KLB: variants seen among roughly 807,000 people sequenced by gnomAD.
KLB encodes the protein beta-klotho.
Under a neutral mutation model 88.4 loss-of-function variants are expected in KLB, and 44 were observed. The ratio of observed to expected loss-of-function variants is 0.50; its 90% CI spans 0.39 to 0.64. The LOEUF (loss-of-function observed/expected upper bound fraction) is 0.64, where lower values mean the gene tolerates loss of function less well. Among genes scored for constraint, KLB ranks in the 30% least tolerant of loss-of-function variants. KLB has a pLI of 0.00. For synonymous variants in KLB, 548 were observed against 513.4 expected (o/e 1.07, Z -0.91); for missense variants, 1,137 against 1,304.8 (o/e 0.87, Z 1.98).
At chr4:39,412,028 A>T (rs1395870180) in intron 1 of KLB, 1 of 151,780 alleles carries the variant, frequency 6.6e-6, no homozygotes, top group African/African-American at 2.4e-5. Context: ...ATACCTACAT[A>T]CAGAAGGATA....
At position 39,407,246 on chromosome 4, in the gene KLB, T is replaced by G. The variant is rs1291708457; in HGVS notation, c.297T>G (p.Ser99Arg). ...IGTGALQVEG[S>R]WKKDGKGPSI... is the part of the protein sequence containing the mutation. ...CTGGAGCATTGCAAGTGGAAGGGAG[T>G]TGGAAGAAGGATGGAAAAGGACCTT... Residue 99 changes from serine (S) to arginine (R), a missense_variant, in exon 1 of 5, where the codon AGT becomes AGG. Transcript: ENST00000257408. 1 of 1,613,914 alleles carries G rather than the reference T, an allele frequency of 6.2e-7. No individual in the cohort carries two copies. Among genetic ancestry groups the G allele is most frequent in the South Asian group, 1.1e-5 (1 of 91,058 alleles).
At chr4:39,424,969 C>G (rs1416158151) in intron 1 of KLB, among the ~76,000 whole-genome samples, 3 of 152,084 alleles carry the variant, frequency 2.0e-5, no homozygotes, top group African/African-American at 7.2e-5. Context: ...ATTCCCAAAT[C>G]CTGAGGAAAG....
chr4:39,415,718 A>T (rs1179956729), intron 1 of KLB, among the ~76,000 whole-genome samples: 1 of 152,156 alleles, frequency 6.6e-6, no homozygotes, highest in Admixed American at 6.5e-5. Flanking sequence ...TTTACATAAA[A>T]TAAAGCATAT....
chr4:39,419,730 C>G (rs929620608), intron 1 of KLB, among the ~76,000 whole-genome samples: 1 of 149,356 alleles, frequency 6.7e-6, no homozygotes, highest in Admixed American at 6.7e-5. Flanking sequence ...GAGCCAAGAT[C>G]GCACCACTGC....
At position 39,437,857 on chromosome 4, in the gene KLB, G is replaced by A. The variant is rs761732553; in HGVS notation, c.1467G>A (p.Glu489=). The A allele has an allele frequency of 3.7e-6, 6 of 1,614,184 alleles. No individual in the cohort carries two copies. Among genetic ancestry groups the A allele is most frequent in the Non-Finnish European group, 4.2e-6 (5 of 1,180,034 alleles). The change falls in exon 3 of 5, where the codon GAG becomes GAA. Residue 489 remains glutamate (E), a synonymous_variant. Coordinates refer to ENST00000257408, the MANE Select transcript of KLB (RefSeq NM_175737.4). ...FYVDFNSKQK[E]RKPKSSAHYY... ...TGGATTTTAACAGTAAACAGAAAGAGCGGAAACCTAAGTCTTCAGCACACT... is the reference window on the plus strand; with the variant it reads ...TGGATTTTAACAGTAAACAGAAAGAACGGAAACCTAAGTCTTCAGCACACT...
chr4:39,436,618 G>A (rs746597435), intron 2 of KLB, among the ~76,000 whole-genome samples: 17 of 152,168 alleles, frequency 1.1e-4, no homozygotes, highest in Non-Finnish European at 2.4e-4. Context: ...GCATTTCTAT[G>A]AGAGAAGTGA....
intron 1 of KLB, among the ~76,000 whole-genome samples, chr4:39,425,880 G>A (rs1426092752): frequency 1.3e-5 from 2 of 152,114 alleles, no homozygotes; most frequent in Non-Finnish European, 2.9e-5. Flanking sequence ...CACTTTGGGA[G>A]GCTGAGGCGG....
chr4:39,416,922 T>G (rs533909761), intron 1 of KLB, among the ~76,000 whole-genome samples: 1 of 152,266 alleles, frequency 6.6e-6, no homozygotes, highest in East Asian at 1.9e-4. Flanking sequence ...TTAGGCACAT[T>G]TAAGTAAACA....
At chr4:39,442,144 T>C (rs778464727) in intron 3 of KLB, among the ~76,000 whole-genome samples, 36 of 151,786 alleles carry the variant, frequency 2.4e-4, no homozygotes, top group Non-Finnish European at 4.4e-4. Context: ...CTCAGGAGGC[T>C]GAGGCAGGAG....
At chr4:39,437,578 C>A in intron 2 of KLB, 149 bp from the exon 3 acceptor site, 1 of 878,144 alleles carries the variant, frequency 1.1e-6, no homozygotes, top group Non-Finnish European at 1.7e-6. Context: ...GAAGTATAAA[C>A]ATGAATTTTC....
intron 2 of KLB, among the ~76,000 whole-genome samples, chr4:39,435,065 C>A (rs1560650646): frequency 6.6e-6 from 1 of 152,064 alleles, no homozygotes; most frequent in Non-Finnish European, 1.5e-5. Flanking sequence ...CCTCAGCCTC[C>A]CAAAGTGCTG....
In KLB at chr4:39,437,812, C is replaced by T; in HGVS notation, c.1422C>T (p.Ile474=). ...DGFEWQDAYT[I]RRGLFYVDFN... Reference sequence around the variant, plus strand: ...TTGAATGGCAGGATGCTTACACCATCCGCCGAGGATTATTTTATGTGGATT... The same window carrying T: ...TTGAATGGCAGGATGCTTACACCATTCGCCGAGGATTATTTTATGTGGATT... Residue 474 remains isoleucine (I), a synonymous_variant, in exon 3 of 5, where the codon ATC becomes ATT. Transcript: ENST00000257408. 3.1e-6 allele frequency: 5 copies of T among 1,614,146 alleles called. No homozygotes were observed. The highest frequency in any genetic ancestry group is 4.2e-6 in the Non-Finnish European group (5 of 1,180,024).
At position 39,407,285 on chromosome 4, in the gene KLB, T is replaced by C. The variant is rs771951383; in HGVS notation, c.336T>C (p.His112=). 49 of 1,614,130 alleles carry C rather than the reference T, an allele frequency of 3.0e-5. 1 individual carries two copies. The highest frequency in any genetic ancestry group is 4.2e-5 in the Non-Finnish European group (49 of 1,179,978). ...KDGKGPSIWD[H]FIHTHLKNVS... is the part of the protein sequence containing the mutation. ...GAAAAGGACCTTCTATATGGGATCA[T>C]TTCATCCACACACACCTTAAAAATG... The change falls in exon 1 of 5, where the codon CAT becomes CAC. Residue 112 remains histidine, a synonymous_variant. Coordinates refer to ENST00000257408, the MANE Select transcript of KLB (RefSeq NM_175737.4).
At chr4:39,433,723 C>T (rs1215678171) in intron 1 of KLB, among the ~76,000 whole-genome samples, 2 of 151,954 alleles carry the variant, frequency 1.3e-5, no homozygotes, top group Admixed American at 6.6e-5. Flanking sequence ...AGTCGAGCGT[C>T]GTGGTGTGCA....
intron 1 of KLB, among the ~76,000 whole-genome samples, chr4:39,414,333 T>C (rs376296959): frequency 1.3e-5 from 2 of 151,756 alleles, no homozygotes; most frequent in African/African-American, 4.8e-5. Context: ...GCTTTTAAAA[T>C]GTTAAAAGAG....
At chr4:39,443,515 C>A (rs564274505) in intron 3 of KLB, among the ~76,000 whole-genome samples, 1 of 146,936 alleles carries the variant, frequency 6.8e-6, no homozygotes, top group Non-Finnish European at 1.5e-5. Context: ...GAGGCCGAGG[C>A]GGGCGTATCA....
At chr4:39,410,272 G>A (rs1742810638) in intron 1 of KLB, among the ~76,000 whole-genome samples, 1 of 152,150 alleles carries the variant, frequency 6.6e-6, no homozygotes, top group Non-Finnish European at 1.5e-5. Context: ...AAACATAGTT[G>A]ATAAAATGAC....
At position 39,406,968 on chromosome 4, in the gene KLB, G is replaced by T; in HGVS notation, c.19G>T (p.Ala7Ser). Residue 7 changes from alanine (A) to serine (S), a missense_variant, in exon 1 of 5, where the codon GCA becomes TCA. This residue lies in a region of KLB where 111 missense variants were observed against 118.3 expected (regional missense o/e 0.94). Coordinates refer to ENST00000257408, the MANE Select transcript of KLB (RefSeq NM_175737.4). MKPGCA[A>S]GSPGNEWIFF... ...GTGGCAAATGAAGCCAGGCTGTGCG[G>T]CAGGATCTCCAGGGAATGAATGGAT... The T allele has an allele frequency of 1.9e-6, 3 of 1,610,356 alleles. No homozygotes were observed. The highest frequency in any genetic ancestry group is 1.7e-5 in the Admixed American group (1 of 59,870).
At chr4:39,442,110 T>C (rs1366916454) in intron 3 of KLB, among the ~76,000 whole-genome samples, 1 of 152,004 alleles carries the variant, frequency 6.6e-6, no homozygotes, top group Non-Finnish European at 1.5e-5. Flanking sequence ...TGTGGGCCTG[T>C]AATTCCATCT....
Sources: gnomAD v4.1 joint callset for allele counts (sites outside exome capture counted in the v4.1 genomes callset) on GRCh38, gnomAD v4.1.1 for gene constraint, gnomAD v4.1.1 regional missense constraint, MANE v1.5 for transcripts, NCBI Gene and HGNC (gene_info 2026-07-23, HGNC 2026-07-21) for gene names.